Variants in RAD51B observed in about 807,000 individuals in gnomAD.
The protein encoded by RAD51B is DNA repair protein RAD51 homolog 2.
RAD51B carries 38 observed loss-of-function variants against 42.2 expected under a neutral mutation model. That is an observed-to-expected ratio of 0.90 (90% CI 0.70 to 1.18). The LOEUF (loss-of-function observed/expected upper bound fraction) is 1.18, where lower values mean the gene tolerates loss of function less well. Ranked by LOEUF, RAD51B falls within the 50% of genes most tolerant of loss-of-function variation. The probability of loss-of-function intolerance (pLI) is 0.00; values close to 1 mark genes in which losing one functional copy is unlikely to be tolerated. For missense variants in RAD51B, 373 were observed against 400.7 expected (o/e 0.93, Z 0.59); for synonymous variants, 154 against 145.2 (o/e 1.06, Z -0.43).
At chr14:67,890,349 G>A (rs1256019634) in intron 7 of RAD51B, among the ~76,000 whole-genome samples, 1 of 151,428 alleles carries the variant, frequency 6.6e-6, no homozygotes, top group African/African-American at 2.4e-5. Context: ...ACAGTGGGTA[G>A]AATGAGAGAT....
At chr14:68,139,034 A>ATT (rs35729915) in intron 7 of RAD51B, among the ~76,000 whole-genome samples, 6 of 151,432 alleles carry the variant, frequency 4.0e-5, no homozygotes, top group African/African-American at 1.5e-4. Context: ...GATAAAGATG[A>ATT]TTTTTTTTTG....
At chr14:68,226,515 G>A (rs1322048901) in intron 7 of RAD51B, among the ~76,000 whole-genome samples, 1 of 152,160 alleles carries the variant, frequency 6.6e-6, no homozygotes, top group Admixed American at 6.5e-5. Context: ...CTGTTTTCAT[G>A]ATAGTAAATA....
At chr14:68,546,891 G>A (rs1205256344) in intron 10 of RAD51B, among the ~76,000 whole-genome samples, 1 of 152,206 alleles carries the variant, frequency 6.6e-6, no homozygotes, top group Non-Finnish European at 1.5e-5. Context: ...CAAACTCTTG[G>A]CAATTCTGGG....
At chr14:68,320,895 T>C (rs2082145164) in intron 8 of RAD51B, among the ~76,000 whole-genome samples, 2 of 152,268 alleles carry the variant, frequency 1.3e-5, no homozygotes, top group Non-Finnish European at 2.9e-5. Context: ...AAGAGTTGTT[T>C]TCATAGGGTC....
At chr14:68,521,256 G>A (rs537101587) in intron 10 of RAD51B, among the ~76,000 whole-genome samples, 3 of 152,288 alleles carry the variant, frequency 2.0e-5, no homozygotes, top group South Asian at 4.1e-4. Flanking sequence ...AGTGGGCAAC[G>A]TGAAAGTACC....
chr14:67,844,016 G>T (rs1192894721), intron 4 of RAD51B, among the ~76,000 whole-genome samples: 1 of 151,906 alleles, frequency 6.6e-6, no homozygotes, highest in African/African-American at 2.4e-5. Context: ...TAACACTGTT[G>T]TAGCTGTGTC....
At chr14:67,921,879 G>A (rs908329706) in intron 7 of RAD51B, among the ~76,000 whole-genome samples, 3 of 152,112 alleles carry the variant, frequency 2.0e-5, no homozygotes, top group African/African-American at 4.8e-5. Context: ...CCCTGTTTGA[G>A]TGTTTATGGG....
intron 11 of RAD51B, among the ~76,000 whole-genome samples, chr14:68,681,482 G>T (rs1893429737): frequency 6.6e-6 from 1 of 152,238 alleles, no homozygotes; most frequent in South Asian, 2.1e-4. Flanking sequence ...TGTTCACTTT[G>T]CTAAGACGGA....
Position 68,406,702 on chromosome 14 carries a change from C to G in RAD51B, c.854-4722C>G, listed in dbSNP as rs561860228. Among the ~76,000 whole-genome samples, 17 of 152,280 alleles carry G rather than the reference C, an allele frequency of 1.1e-4. No individual in the cohort carries two copies. In the East Asian group the frequency reaches 3.3e-3, roughly 29 times the overall value. On this transcript the variant is annotated intron_variant, in intron 8 of 10. Coordinates refer to ENST00000471583, the MANE Select transcript of RAD51B (RefSeq NM_133510.4). ...ATAAATTAACCTTTGATTACTATCA[C>G]TTTTTTACTTCATAAATGTTTTAAT...
intron 7 of RAD51B, among the ~76,000 whole-genome samples, chr14:68,258,407 C>CCACACACACA (rs368278669): frequency 2.0e-5 from 3 of 146,920 alleles, no homozygotes; most frequent in Non-Finnish European, 4.5e-5. Flanking sequence ...TACACACACA[C>CCACACACACA]CACACACACA....
At chr14:67,871,783 A>G (rs2042541078) in intron 5 of RAD51B, among the ~76,000 whole-genome samples, 1 of 152,240 alleles carries the variant, frequency 6.6e-6, no homozygotes, top group East Asian at 1.9e-4. Flanking sequence ...CTGGTTCAAT[A>G]TATGCAAATC....
At chr14:68,520,233 A>G (rs553902218) in intron 10 of RAD51B, among the ~76,000 whole-genome samples, 1 of 152,356 alleles carries the variant, frequency 6.6e-6, no homozygotes, top group South Asian at 2.1e-4. Context: ...TAGGACATAT[A>G]TGCTCAAAGT....
At chr14:68,537,830 G>T (rs1887730478) in intron 10 of RAD51B, among the ~76,000 whole-genome samples, 1 of 151,764 alleles carries the variant, frequency 6.6e-6, no homozygotes, top group Non-Finnish European at 1.5e-5. Flanking sequence ...ATTTCCATGT[G>T]TAATCTCATT....
At chr14:68,128,434 C>T (rs149054589) in intron 7 of RAD51B, among the ~76,000 whole-genome samples, 18 of 152,164 alleles carry the variant, frequency 1.2e-4, no homozygotes, top group African/African-American at 4.3e-4. Flanking sequence ...GTGGCTCACT[C>T]GTATAATCCC....
chr14:68,639,612 G>A (rs1239095855), intron 10 of RAD51B, among the ~76,000 whole-genome samples: 1 of 152,162 alleles, frequency 6.6e-6, no homozygotes, highest in Non-Finnish European at 1.5e-5. Context: ...AGGAGGAAGA[G>A]AAGCCAGAGA....
intron 4 of RAD51B, among the ~76,000 whole-genome samples, chr14:67,848,801 T>A (rs1230124289): frequency 2.0e-5 from 3 of 152,138 alleles, no homozygotes; most frequent in Non-Finnish European, 2.9e-5. Context: ...CCCTCAGTGT[T>A]TTCTTGTCTG....
chr14:68,394,851 G>A (rs564776633), intron 8 of RAD51B, among the ~76,000 whole-genome samples: 10 of 152,182 alleles, frequency 6.6e-5, no homozygotes, highest in Non-Finnish European at 1.0e-4. Context: ...GCACGTCTCC[G>A]ATGCTGCCCA....
chr14:68,315,578 G>A (rs1289908607), intron 8 of RAD51B, among the ~76,000 whole-genome samples: 1 of 152,062 alleles, frequency 6.6e-6, no homozygotes, highest in Non-Finnish European at 1.5e-5. Flanking sequence ...CTGGAGTGCA[G>A]TGGCGTGATC....
At chr14:68,167,892 A>G (rs956649942) in intron 7 of RAD51B, among the ~76,000 whole-genome samples, 1 of 152,138 alleles carries the variant, frequency 6.6e-6, no homozygotes, top group African/African-American at 2.4e-5. Context: ...AGCTTATGAG[A>G]TGGATTTTAT....
Sources: gnomAD v4.1 joint callset for allele counts (sites outside exome capture counted in the v4.1 genomes callset) on GRCh38, gnomAD v4.1.1 for gene constraint, MANE v1.5 for transcripts, NCBI Gene and HGNC (gene_info 2026-07-23, HGNC 2026-07-21) for gene names.